The following ZNF804A variants were observed in gnomAD, a reference collection of about 807,000 sequenced individuals.
The protein encoded by ZNF804A is zinc finger protein 804A.
ZNF804A carries 2 observed loss-of-function variants against 16.5 expected under a neutral mutation model. The observed-to-expected ratio is 0.12, with a 90% CI of 0.05 to 0.38. The LOEUF (loss-of-function observed/expected upper bound fraction) is 0.38. ZNF804A is among the 10% of genes least tolerant of loss of function. The pLI, the probability that ZNF804A is intolerant of heterozygous loss-of-function variation, is 0.99. For missense variants in ZNF804A, 1,473 were observed against 1,390.7 expected (o/e 1.06, Z -0.94); for synonymous variants, 534 against 489.6 (o/e 1.09, Z -1.20).
At chr2:184,628,175 A>G (rs748712064) in intron 1 of ZNF804A, among the ~76,000 whole-genome samples, 10 of 152,200 alleles carry the variant, frequency 6.6e-5, no homozygotes, top group Non-Finnish European at 1.2e-4. Flanking sequence ...TTAACCGGGC[A>G]TGGTGGCGCA....
At chr2:184,784,137 G>T (rs1010064838) in intron 1 of ZNF804A, among the ~76,000 whole-genome samples, 2 of 151,886 alleles carry the variant, frequency 1.3e-5, no homozygotes, top group African/African-American at 4.8e-5. Context: ...GAATCACTGT[G>T]CTTCATGTTT....
chr2:184,805,478 C>A (rs951327962), intron 1 of ZNF804A, among the ~76,000 whole-genome samples: 2 of 151,946 alleles, frequency 1.3e-5, no homozygotes, highest in Non-Finnish European at 2.9e-5. Context: ...ACTTACTGTA[C>A]TTTAGTTGGG....
At position 184,937,366 on chromosome 2, in the gene ZNF804A, A is replaced by G; in HGVS notation, c.1970A>G (p.Asp657Gly). The G allele has an allele frequency of 6.2e-7, 1 of 1,613,694 alleles. No individual in the cohort carries two copies. The highest frequency in any genetic ancestry group is 8.5e-7 in the Non-Finnish European group (1 of 1,179,846). Residue 657 changes from aspartate to glycine, a missense_variant, in exon 4 of 4, where the codon GAT (aspartate) becomes GGT (glycine). Coordinates refer to ENST00000302277, the MANE Select transcript of ZNF804A (RefSeq NM_194250.2). ...EQLLDSHQLL[D>G]KRPKSESISL... Reference sequence around the variant, plus strand: ...TTATTAGACTCACATCAGTTACTTGATAAAAGGCCCAAATCAGAATCCATA... The same window carrying G: ...TTATTAGACTCACATCAGTTACTTGGTAAAAGGCCCAAATCAGAATCCATA...
Position 184,889,589 on chromosome 2 carries a change from TA to T in ZNF804A, c.255+23082del, listed in dbSNP as rs558550477. 2.3e-3 allele frequency among the ~76,000 whole-genome samples: 354 copies of T among 151,994 alleles called. 1 individual carries two copies. The highest frequency in any genetic ancestry group is 8.2e-3 in the African/African-American group (342 of 41,544). On this transcript the variant is annotated intron_variant, in intron 2 of 3. Coordinates refer to ENST00000302277, the MANE Select transcript of ZNF804A (RefSeq NM_194250.2). ...TTTTTATATTAAAGCTGTAGTATAT[TA>T]AAAATATGTATGTTAACATGCATAT... is the stretch of plus-strand genomic sequence containing the variant.
At chr2:184,636,867 T>C (rs970942252) in intron 1 of ZNF804A, among the ~76,000 whole-genome samples, 1 of 152,130 alleles carries the variant, frequency 6.6e-6, no homozygotes. Flanking sequence ...TCTTAGTCTT[T>C]TTACCACTTA....
chr2:184,684,401 T>G (rs1472536149), intron 1 of ZNF804A, among the ~76,000 whole-genome samples: 7 of 152,222 alleles, frequency 4.6e-5, no homozygotes, highest in Non-Finnish European at 1.0e-4. Context: ...TTTGAAATTA[T>G]AAAACTAAAT....
intron 1 of ZNF804A, among the ~76,000 whole-genome samples, chr2:184,724,727 G>A (rs777209913): frequency 1.3e-5 from 2 of 151,710 alleles, no homozygotes; most frequent in Non-Finnish European, 3.0e-5. Context: ...AGAAGGGCAT[G>A]TAAATAAGTG....
chr2:184,794,404 C>G (rs1694598797), intron 1 of ZNF804A, among the ~76,000 whole-genome samples: 1 of 151,938 alleles, frequency 6.6e-6, no homozygotes, highest in Non-Finnish European at 1.5e-5. Context: ...CCTTAGCCCA[C>G]TTTTTGATGG....
At chr2:184,896,053 A>G (rs889819458) in intron 2 of ZNF804A, among the ~76,000 whole-genome samples, 1 of 152,156 alleles carries the variant, frequency 6.6e-6, no homozygotes, top group East Asian at 1.9e-4. Flanking sequence ...ACATGGAGAC[A>G]TTGTGTAATG....
At chr2:184,672,227 A>T (rs1401189362) in intron 1 of ZNF804A, among the ~76,000 whole-genome samples, 1 of 152,346 alleles carries the variant, frequency 6.6e-6, no homozygotes, top group East Asian at 1.9e-4. Context: ...TGCTTATTGC[A>T]TATGTTTTAT....
Position 184,937,403 on chromosome 2 carries a change from C to T in ZNF804A, c.2007C>T (p.Asp669=). The T allele has an allele frequency of 6.2e-7, 1 of 1,612,710 alleles. No individual in the cohort carries two copies. ...RPKSESISLS[D]NEEMCKTWNT... ...AATCAGAATCCATATCCTTAAGTGA[C>T]AATGAAGAAATGTGTAAAACATGGA... Residue 669 remains aspartate, a synonymous_variant, in exon 4 of 4, where the codon GAC becomes GAT. Transcript: ENST00000302277.
intron 1 of ZNF804A, among the ~76,000 whole-genome samples, chr2:184,817,297 C>T (rs1465241901): frequency 6.6e-6 from 1 of 151,834 alleles, no homozygotes; most frequent in African/African-American, 2.4e-5. Context: ...CAGCAAACTA[C>T]AGCAGCCCTA....
intron 1 of ZNF804A, among the ~76,000 whole-genome samples, chr2:184,656,735 C>T (rs1249590230): frequency 4.8e-5 from 7 of 145,484 alleles, no homozygotes; most frequent in Non-Finnish European, 6.2e-5. Flanking sequence ...CACATATATA[C>T]ACACACACAC....
At position 184,829,914 on chromosome 2, in the gene ZNF804A, AAAAAAAAACAAAAAC is replaced by A. The variant is rs1558974907; in HGVS notation, c.112-36446_112-36432del. 8.3e-4 allele frequency among the ~76,000 whole-genome samples: 89 copies of A among 106,744 alleles called. 4 individuals carry two copies. Among genetic ancestry groups the A allele is most frequent in the African/African-American group, 3.9e-3 (67 of 16,972 alleles). The allele number at this position is 106,744 out of a possible 152,430, so 70.0% of individuals were successfully genotyped here. A position where few individuals can be genotyped will look rare whatever the true frequency, so the allele number is the denominator to read the frequency against. ...CTGTCTCTACCAAAAAAAAAAAAAA[AAAAAAAAACAAAAAC>A]AAAAAAAAAAAAACCACACACACAC... On this transcript the variant is annotated intron_variant, in intron 1 of 3. Transcript: ENST00000302277.
At chr2:184,934,993 T>C (rs2105843139) in intron 3 of ZNF804A, among the ~76,000 whole-genome samples, 1 of 152,244 alleles carries the variant, frequency 6.6e-6, no homozygotes, top group African/African-American at 2.4e-5. Context: ...CACTGAATTT[T>C]TAGAATAGCA....
chr2:184,835,568 C>G (rs1406325920), intron 1 of ZNF804A, among the ~76,000 whole-genome samples: 3 of 151,752 alleles, frequency 2.0e-5, no homozygotes, highest in Non-Finnish European at 4.4e-5. Context: ...AGCCCTGCCT[C>G]CAGAGTCAAG....
At position 184,939,033 on chromosome 2, in the gene ZNF804A, C is replaced by A. The variant is rs1226488800; in HGVS notation, c.*7C>A. The A allele has an allele frequency of 6.2e-7, 1 of 1,608,464 alleles. No homozygotes were observed. Among genetic ancestry groups the A allele is most frequent in the Non-Finnish European group, 8.5e-7 (1 of 1,176,074 alleles). On this transcript the variant is annotated 3_prime_UTR_variant, in exon 4 of 4. Transcript: ENST00000302277. ...TTTGCAACCTCTCTTCTAGTCATCACCATAATGGGAAAAAAATACTCTTGT... is the reference window on the plus strand; with the variant it reads ...TTTGCAACCTCTCTTCTAGTCATCAACATAATGGGAAAAAAATACTCTTGT...
intron 1 of ZNF804A, among the ~76,000 whole-genome samples, chr2:184,675,399 A>G (rs1052427227): frequency 4.3e-4 from 66 of 151,936 alleles, no homozygotes; most frequent in African/African-American, 1.5e-3. Flanking sequence ...TTACAAAATC[A>G]TATGCATCAA....
At chr2:184,674,780 A>T in intron 1 of ZNF804A, among the ~76,000 whole-genome samples, 1 of 65,302 alleles carries the variant, frequency 1.5e-5, no homozygotes, top group African/African-American at 4.2e-5. Flanking sequence ...AAATTATTTT[A>T]AAATTTTCCA....
Sources: allele counts gnomAD v4.1 joint callset (sites outside exome capture counted in the v4.1 genomes callset), GRCh38; gene constraint gnomAD v4.1.1; transcripts MANE v1.5; gene names NCBI Gene and HGNC (gene_info 2026-07-23, HGNC 2026-07-21).